REV3L: variants seen among roughly 807,000 people sequenced by gnomAD.
REV3L encodes REV3 like, DNA directed polymerase zeta catalytic subunit.
A neutral mutation model predicts 299.4 loss-of-function variants in REV3L; 69 were observed. That is an observed-to-expected ratio of 0.23 (90% confidence interval 0.19 to 0.28). REV3L has a LOEUF of 0.28. Among genes scored for constraint, REV3L ranks in the 10% least tolerant of loss-of-function variants. The probability of loss-of-function intolerance (pLI) is 1.00; values close to 1 mark genes in which losing one functional copy is unlikely to be tolerated. For missense variants in REV3L, 3,128 were observed against 3,693.8 expected (o/e 0.85, Z 3.97); for synonymous variants, 1,238 against 1,271.4 (o/e 0.97, Z 0.56).
chr6:111,482,227 T>G (rs888925688), intron 1 of REV3L, among the ~76,000 whole-genome samples: 23 of 152,178 alleles, frequency 1.5e-4, no homozygotes, highest in African/African-American at 5.3e-4. Flanking sequence ...TCCGGCCCAC[T>G]GCATCTCCGG....
At chr6:111,324,698 G>T (rs1434635555) in intron 25 of REV3L, among the ~76,000 whole-genome samples, 5 of 152,126 alleles carry the variant, frequency 3.3e-5, no homozygotes. Flanking sequence ...CTAGAGTGAG[G>T]GGGAGGCGGA....
chr6:111,405,180 G>C (rs540094721), intron 4 of REV3L, among the ~76,000 whole-genome samples: 1 of 151,272 alleles, frequency 6.6e-6, no homozygotes, highest in Non-Finnish European at 1.5e-5. Context: ...CAGTGGTCTA[G>C]AACTAAACCC....
intron 2 of REV3L, among the ~76,000 whole-genome samples, chr6:111,415,200 A>G (rs1286603050): frequency 1.3e-5 from 2 of 152,166 alleles, no homozygotes; most frequent in Non-Finnish European, 2.9e-5. Flanking sequence ...GCTGGGCCCC[A>G]AGAATGTAGT....
intron 2 of REV3L, chr6:111,412,211 C>T: frequency 2.0e-6 from 2 of 985,126 alleles, no homozygotes; most frequent in Non-Finnish European, 2.4e-6. Context: ...ACTGTGTAGA[C>T]AGGAACTTAA....
chr6:111,319,842 T>A (rs1398895666), intron 26 of REV3L, among the ~76,000 whole-genome samples: 2 of 151,798 alleles, frequency 1.3e-5, no homozygotes, highest in Non-Finnish European at 2.9e-5. Flanking sequence ...TTTTTTTTTT[T>A]CTCTGAGATG....
rs1423897587 is a variant in REV3L at position 111,483,158 on chromosome 6, G to A, written c.-270C>T. On this transcript the variant is annotated 5_prime_UTR_variant, in exon 1 of 32. Coordinates refer to ENST00000368802, the MANE Select transcript of REV3L (RefSeq NM_001372078.1). ...GCTGCCGCCACTGCCGCCACCGCCG[G>A]GAATCACACGGGCTCCTCGGTCCCA... The A allele has an allele frequency of 1.6e-5, 8 of 489,352 alleles. No individual in the cohort carries two copies. The Middle Eastern group carries it at 1.5e-3, about 93-fold the overall frequency. The allele number at this position is 489,352 out of a possible 1,614,324, so 30.3% of individuals were successfully genotyped here.
intron 18 of REV3L, among the ~76,000 whole-genome samples, chr6:111,353,435 G>C (rs866704504): frequency 6.6e-6 from 1 of 152,236 alleles, no homozygotes; most frequent in East Asian, 1.9e-4. Flanking sequence ...TCAAACTTCT[G>C]CAACAGCACA....
At chr6:111,317,942 T>A (rs530975031) in intron 26 of REV3L, among the ~76,000 whole-genome samples, 1 of 152,344 alleles carries the variant, frequency 6.6e-6, no homozygotes, top group East Asian at 1.9e-4. Flanking sequence ...TGAGCAGTAT[T>A]CCACTGTATG....
chr6:111,351,434 T>A (rs893562676), intron 19 of REV3L, among the ~76,000 whole-genome samples: 4 of 152,136 alleles, frequency 2.6e-5, no homozygotes, highest in Non-Finnish European at 5.9e-5. Context: ...CATATGTATA[T>A]GAAAAGTGAC....
intron 1 of REV3L, among the ~76,000 whole-genome samples, chr6:111,479,683 T>C (rs1793391585): frequency 6.6e-6 from 1 of 152,014 alleles, no homozygotes; most frequent in South Asian, 2.1e-4. Flanking sequence ...CCAATTTTGT[T>C]TGTTTGTTTG....
intron 16 of REV3L, among the ~76,000 whole-genome samples, chr6:111,361,096 A>G (rs898423703): frequency 6.6e-6 from 1 of 152,136 alleles, no homozygotes; most frequent in African/African-American, 2.4e-5. Context: ...AGGGATGAAC[A>G]TATGAGGCCG....
intron 1 of REV3L, among the ~76,000 whole-genome samples, 199 bp downstream of exon 1, chr6:111,482,551 A>G (rs987571074): frequency 3.3e-5 from 5 of 151,534 alleles, no homozygotes; most frequent in Non-Finnish European, 7.4e-5. Flanking sequence ...GGCGCCGCGC[A>G]GCGCTCGCGC....
intron 1 of REV3L, chr6:111,430,912 G>A (rs1416950796): frequency 1.2e-6 from 2 of 1,602,806 alleles, no homozygotes; most frequent in African/African-American, 2.7e-5. Context: ...TTGTAGGAGA[G>A]CCAGGCTACT....
At position 111,367,618 on chromosome 6, in the gene REV3L, G is replaced by A; in HGVS notation, c.6170C>T (p.Pro2057Leu). The change falls in exon 14 of 32, where the codon CCA (proline) becomes CTA (leucine). Residue 2057 changes from proline (P) to leucine (L), a missense_variant. By Grantham distance (98) the Pro-to-Leu change is moderately conservative. Around this residue, in one of 9 missense-constraint regions of REV3L, gnomAD observed 2,409 missense variants for 2,611.8 expected, o/e 0.92. Coordinates refer to ENST00000368802, the MANE Select transcript of REV3L (RefSeq NM_001372078.1). ...ATGTGCTGTAGTGGGGAGTATACAT[G>A]GACTTACATCCATTTTTGGAGGCAC... ...PVVPPKMDVS[P>L]CILPTTAHTK... is the part of the protein sequence containing the mutation. The A allele has an allele frequency of 6.2e-7, 1 of 1,614,108 alleles. No homozygotes were observed. The highest frequency in any genetic ancestry group is 2.2e-5 in the East Asian group (1 of 44,890).
At chr6:111,478,578 T>C (rs900588795) in intron 1 of REV3L, among the ~76,000 whole-genome samples, 1 of 150,544 alleles carries the variant, frequency 6.6e-6, no homozygotes, top group South Asian at 2.1e-4. Context: ...GAGTTGTTGA[T>C]ACACGCTAAT....
chr6:111,442,503 GT>G (rs1788389539), intron 1 of REV3L, among the ~76,000 whole-genome samples: 1 of 152,132 alleles, frequency 6.6e-6, no homozygotes, highest in Non-Finnish European at 1.5e-5. Flanking sequence ...TTTCTCCACT[GT>G]TTTACTTTCA....
At chr6:111,408,692 G>C (rs1186333984) in intron 3 of REV3L, among the ~76,000 whole-genome samples, 1 of 152,096 alleles carries the variant, frequency 6.6e-6, no homozygotes, top group Non-Finnish European at 1.5e-5. Context: ...TGTTTATGTG[G>C]TTTATATCTA....
At chr6:111,307,318 A>G in intron 31 of REV3L, 43 bp downstream of exon 31, 2 of 1,529,380 alleles carry the variant, frequency 1.3e-6, no homozygotes, top group Non-Finnish European at 1.8e-6. Context: ...TTCCTGTAAG[A>G]TCAGACTGCT....
rs1180952007 is a variant in REV3L, at chr6:111,375,473, G to A, written c.2882C>T (p.Ser961Phe). Residue 961 changes from serine (S) to phenylalanine (F), a missense_variant, in exon 13 of 32, where the codon TCC becomes TTC. By Grantham distance (155) the Ser-to-Phe change is radical (BLOSUM62 -2). This residue lies in a region of REV3L where 2,409 missense variants were observed against 2,611.8 expected (regional missense o/e 0.92). Transcript: ENST00000368802. ...IGESLDGTLK[S>F]RKRRKMSKKL... ...TTTAGACATTTTTCTTCGTTTTCGGGATTTGAGAGTTCCATCTAAACTTTC... is the reference window on the plus strand; with the variant it reads ...TTTAGACATTTTTCTTCGTTTTCGGAATTTGAGAGTTCCATCTAAACTTTC... 6.2e-6 allele frequency: 10 copies of A among 1,604,368 alleles called. No individual in the cohort carries two copies. Among genetic ancestry groups the A allele is most frequent in the Non-Finnish European group, 8.5e-6 (10 of 1,177,642 alleles).
Sources: allele counts gnomAD v4.1 joint callset (sites outside exome capture counted in the v4.1 genomes callset), GRCh38; gene constraint gnomAD v4.1.1; regional missense constraint gnomAD v4.1.1; transcripts MANE v1.5; gene names NCBI Gene and HGNC (gene_info 2026-07-23, HGNC 2026-07-21).